Variants in THSD4 observed in about 807,000 individuals in gnomAD.
The protein encoded by THSD4 is thrombospondin type 1 domain containing 4.
THSD4 carries 69 observed loss-of-function variants against 119.0 expected under a neutral mutation model. The ratio of observed to expected loss-of-function variants is 0.58; its 90% CI spans 0.48 to 0.71. THSD4 has a LOEUF of 0.71. THSD4 is among the 30% of genes least tolerant of loss of function. The pLI, the probability that THSD4 is intolerant of heterozygous loss-of-function variation, is 0.00. For synonymous variants in THSD4, 524 were observed against 540.4 expected (o/e 0.97, Z 0.42); for missense variants, 1,393 against 1,391.1 (o/e 1.00, Z -0.02).
At chr15:71,676,351 A>G (rs1024830499) in intron 8 of THSD4, among the ~76,000 whole-genome samples, 1 of 152,080 alleles carries the variant, frequency 6.6e-6, no homozygotes, top group Admixed American at 6.5e-5. Context: ...GCACGATCTC[A>G]GCTCACTGCA....
At chr15:71,297,995 G>A (rs1167042456) in intron 6 of THSD4, among the ~76,000 whole-genome samples, 1 of 151,964 alleles carries the variant, frequency 6.6e-6, no homozygotes, top group Non-Finnish European at 1.5e-5. Flanking sequence ...TATTTTTGGT[G>A]TCGTATCTAA....
chr15:71,518,953 A>G (rs2048399434), intron 7 of THSD4, among the ~76,000 whole-genome samples: 1 of 152,264 alleles, frequency 6.6e-6, no homozygotes, highest in East Asian at 1.9e-4. Flanking sequence ...ACAGGAAGTT[A>G]AAAAATAATA....
chr15:71,199,627 GGT>G (rs1221875500), intron 3 of THSD4, among the ~76,000 whole-genome samples: 6 of 68,934 alleles, frequency 8.7e-5, no homozygotes, highest in African/African-American at 1.5e-4. Context: ...GTGGGTGTGT[GGT>G]GTGTGTGGTG....
chr15:71,632,111 A>G (rs1218631026), intron 7 of THSD4, among the ~76,000 whole-genome samples: 3 of 152,260 alleles, frequency 2.0e-5, no homozygotes, highest in African/African-American at 7.2e-5. Context: ...ATCCATGAAA[A>G]GCATTGAGTC....
intron 6 of THSD4, among the ~76,000 whole-genome samples, chr15:71,272,937 C>T (rs1296562235): frequency 6.6e-6 from 1 of 151,932 alleles, no homozygotes; most frequent in African/African-American, 2.4e-5. Flanking sequence ...CTTTGTCTAC[C>T]GTTGGTGGGA....
chr15:71,251,505 A>G (rs1202965493), intron 5 of THSD4, among the ~76,000 whole-genome samples: 3 of 152,240 alleles, frequency 2.0e-5, no homozygotes, highest in African/African-American at 4.8e-5. Context: ...CCAAGGTCAC[A>G]CAGCCACTTT....
intron 10 of THSD4, among the ~76,000 whole-genome samples, 194 bp from the exon 11 acceptor site, chr15:71,737,538 T>C (rs907791348): frequency 3.9e-5 from 6 of 152,228 alleles, no homozygotes; most frequent in Non-Finnish European, 8.8e-5. Flanking sequence ...CTTTGTCTTA[T>C]TGATTTTCAA....
At chr15:71,434,434 CTT>C (rs34097873) in intron 7 of THSD4, among the ~76,000 whole-genome samples, 110 of 82,578 alleles carry the variant, frequency 1.3e-3, no homozygotes, top group African/African-American at 1.7e-3. Flanking sequence ...TCAGTGGTCC[CTT>C]TTTTTTTTTT....
intron 4 of THSD4, among the ~76,000 whole-genome samples, chr15:71,238,676 A>G (rs2044126918): frequency 3.3e-5 from 5 of 152,184 alleles, no homozygotes. Context: ...CCAATGTTTT[A>G]TTTCTCTCTA....
chr15:71,204,750 T>C (rs183146910), intron 3 of THSD4, among the ~76,000 whole-genome samples: 8 of 152,278 alleles, frequency 5.3e-5, no homozygotes, highest in Non-Finnish European at 1.0e-4. Context: ...CCTCTTTTAT[T>C]AAAAGTATAC....
chr15:71,377,844 TCTC>T (rs1389753130), intron 6 of THSD4, among the ~76,000 whole-genome samples: 1 of 123,584 alleles, frequency 8.1e-6, no homozygotes, highest in African/African-American at 2.8e-5. Context: ...CTTGCCTTCT[TCTC>T]TATTCCCGGA....
At chr15:71,723,597 G>A (rs1360810144) in intron 8 of THSD4, among the ~76,000 whole-genome samples, 8 of 152,246 alleles carry the variant, frequency 5.3e-5, no homozygotes, top group Admixed American at 2.6e-4. Flanking sequence ...GGAGCTGGCA[G>A]TGTACTAGGA....
chr15:71,289,343 T>C (rs936136070), intron 6 of THSD4, among the ~76,000 whole-genome samples: 3 of 152,218 alleles, frequency 2.0e-5, no homozygotes, highest in African/African-American at 7.2e-5. Context: ...GTCCTGATGC[T>C]GCCTTTATGA....
intron 5 of THSD4, among the ~76,000 whole-genome samples, chr15:71,244,007 G>A (rs989137275): frequency 4.6e-5 from 7 of 150,846 alleles, no homozygotes; most frequent in African/African-American, 1.7e-4. Context: ...GGATGGTTTC[G>A]ATCTCTTGAC....
intron 6 of THSD4, among the ~76,000 whole-genome samples, chr15:71,309,049 A>G (rs2045074891): frequency 1.3e-5 from 2 of 152,208 alleles, no homozygotes; most frequent in Admixed American, 1.3e-4. Context: ...TCCCAGGCCC[A>G]AGTGATTCTC....
chr15:71,618,840 A>G (rs1056096490), intron 7 of THSD4, among the ~76,000 whole-genome samples: 8 of 152,102 alleles, frequency 5.3e-5, no homozygotes, highest in Admixed American at 3.9e-4. Context: ...AGCCTCTCAA[A>G]GTGCTGGGAT....
chr15:71,491,493 C>G (rs2047918882), intron 7 of THSD4, among the ~76,000 whole-genome samples: 1 of 152,224 alleles, frequency 6.6e-6, no homozygotes, highest in Non-Finnish European at 1.5e-5. Flanking sequence ...TGCCTTGGAA[C>G]TTGGCAGAGA....
intron 9 of THSD4, chr15:71,729,433 C>G (rs1226796176): frequency 6.6e-6 from 1 of 152,212 alleles, no homozygotes; most frequent in Non-Finnish European, 1.5e-5. Flanking sequence ...TTGAGATCAC[C>G]CATGAATATA....
At chr15:71,777,156 C>G (rs2053928000) in intron 17 of THSD4, 76 bp from the exon 18 acceptor site, 1 of 1,576,020 alleles carries the variant, frequency 6.3e-7, no homozygotes, top group East Asian at 2.2e-5. Context: ...GCCACAGCCA[C>G]TGCCCTTTCT....
Sources: allele counts gnomAD v4.1 joint callset (sites outside exome capture counted in the v4.1 genomes callset), GRCh38; gene constraint gnomAD v4.1.1; transcripts MANE v1.5; gene names NCBI Gene and HGNC (gene_info 2026-07-23, HGNC 2026-07-21).